Variants in SYTL3 observed in about 807,000 individuals in gnomAD.
SYTL3 encodes synaptotagmin like 3.
A neutral mutation model predicts 82.1 loss-of-function variants in SYTL3; 88 were observed. The ratio of observed to expected loss-of-function variants is 1.07; its 90% CI spans 0.90 to 1.28. SYTL3 has a LOEUF of 1.28. Ranked by LOEUF, SYTL3 falls within the 50% of genes most tolerant of loss-of-function variation. SYTL3 has a pLI of 0.00. For synonymous variants in SYTL3, 311 were observed against 289.4 expected, an observed-to-expected ratio of 1.07 and a Z score of -0.76; for missense variants, 831 against 757.6, an observed-to-expected ratio of 1.10 and a Z score of -1.14.
chr6:158,750,882 A>G (rs1002840758), intron 12 of SYTL3, among the ~76,000 whole-genome samples: 4 of 152,096 alleles, frequency 2.6e-5, no homozygotes, highest in African/African-American at 9.7e-5. Context: ...TGCAACCTCC[A>G]TCTCCCAGGT....
intron 8 of SYTL3, among the ~76,000 whole-genome samples, chr6:158,713,203 G>C (rs1439558478): frequency 6.6e-6 from 1 of 152,058 alleles, no homozygotes; most frequent in East Asian, 2.0e-4. Context: ...TGGATGGGTG[G>C]TAATGTAAGA....
chr6:158,705,818 A>G (rs1056187150), intron 6 of SYTL3, among the ~76,000 whole-genome samples: 1 of 152,048 alleles, frequency 6.6e-6, no homozygotes, highest in Non-Finnish European at 1.5e-5. Flanking sequence ...GGGGATCCAG[A>G]GACAGGAGCA....
upstream of SYTL3, among the ~76,000 whole-genome samples, chr6:158,649,684 T>C (rs901396158): frequency 6.6e-6 from 1 of 152,210 alleles, no homozygotes; most frequent in Admixed American, 6.5e-5. Flanking sequence ...AGCTGTTCTT[T>C]GAGATGTGGT....
chr6:158,677,742 A>G (rs569706158), intron 5 of SYTL3, among the ~76,000 whole-genome samples: 2 of 150,302 alleles, frequency 1.3e-5, no homozygotes, highest in East Asian at 3.9e-4. Context: ...ACTATTTGAA[A>G]TAAAAAAAAT....
intron 5 of SYTL3, among the ~76,000 whole-genome samples, chr6:158,674,246 C>T (rs974691795): frequency 2.0e-5 from 3 of 152,070 alleles, no homozygotes; most frequent in Non-Finnish European, 2.9e-5. Flanking sequence ...CATTTCTGCT[C>T]TTTTCTGCTG....
intron 6 of SYTL3, among the ~76,000 whole-genome samples, chr6:158,703,483 C>T (rs1781566841): frequency 6.6e-6 from 1 of 152,176 alleles, no homozygotes; most frequent in Non-Finnish European, 1.5e-5. Context: ...AACAAGAGGT[C>T]AAAATTCAGG....
intron 5 of SYTL3, among the ~76,000 whole-genome samples, chr6:158,673,440 A>ATT (rs553781177): frequency 0.011 from 1,480 of 134,490 alleles, 30 homozygotes; most frequent in South Asian, 0.021. Context: ...TGGGAATAGC[A>ATT]TTTTTTTTTT....
chr6:158,689,311 T>C (rs80273085), intron 6 of SYTL3, among the ~76,000 whole-genome samples: 4,875 of 151,758 alleles, frequency 0.032, 284 homozygotes, highest in African/African-American at 0.11. Flanking sequence ...TTTATCAGTT[T>C]GGCAAAACAA....
At chr6:158,738,154 G>T (rs73797095) in intron 11 of SYTL3, among the ~76,000 whole-genome samples, 4,171 of 152,246 alleles carry the variant, frequency 0.027, 188 homozygotes, top group African/African-American at 0.095. Context: ...ACTCACGCCT[G>T]CATGCTGGAG....
chr6:158,750,222 C>T (rs1219926467), intron 12 of SYTL3, among the ~76,000 whole-genome samples: 1 of 152,036 alleles, frequency 6.6e-6, no homozygotes, highest in Non-Finnish European at 1.5e-5. Context: ...TTTAAGGAGA[C>T]ACATCAAAAT....
chr6:158,666,628 C>T (rs888310413), intron 5 of SYTL3, among the ~76,000 whole-genome samples: 5 of 152,196 alleles, frequency 3.3e-5, no homozygotes, highest in African/African-American at 1.2e-4. Flanking sequence ...GATTTGAAAA[C>T]AACTTCTAAA....
intron 13 of SYTL3, among the ~76,000 whole-genome samples, chr6:158,756,525 C>G (rs149723130): frequency 2.6e-5 from 4 of 152,004 alleles, no homozygotes; most frequent in African/African-American, 9.7e-5. Flanking sequence ...ACCTGGCCAA[C>G]GTGGTGAAAC....
At chr6:158,709,669 G>A (rs576333469) in intron 8 of SYTL3, among the ~76,000 whole-genome samples, 2 of 152,246 alleles carry the variant, frequency 1.3e-5, no homozygotes, top group South Asian at 2.1e-4. Flanking sequence ...GAGAATATGG[G>A]AGCTGATCAT....
intron 11 of SYTL3, among the ~76,000 whole-genome samples, chr6:158,734,686 A>C (rs1785900645): frequency 6.7e-6 from 1 of 150,258 alleles, no homozygotes; most frequent in Non-Finnish European, 1.5e-5. Flanking sequence ...TGTCCTCACC[A>C]CCCCGACATG....
chr6:158,683,471 G>A (rs1408191865), intron 6 of SYTL3, among the ~76,000 whole-genome samples: 1 of 151,970 alleles, frequency 6.6e-6, no homozygotes. Flanking sequence ...CGCCCGCCTC[G>A]GCCTCCCAAG....
intron 5 of SYTL3, among the ~76,000 whole-genome samples, chr6:158,680,871 AG>A: frequency 7.2e-6 from 1 of 138,896 alleles, no homozygotes; most frequent in Non-Finnish European, 1.6e-5. Context: ...CAGATGAAGG[AG>A]AGAAAGTTAG....
chr6:158,676,251 C>T (rs1272868620), intron 5 of SYTL3, among the ~76,000 whole-genome samples: 3 of 152,138 alleles, frequency 2.0e-5, no homozygotes, highest in Admixed American at 2.0e-4. Flanking sequence ...AATAATGTTG[C>T]ATATCTACAA....
chr6:158,725,546 A>G lies in SYTL3; in HGVS notation c.764A>G (p.Asp255Gly). 6.2e-7 allele frequency: 1 copy of G among 1,614,200 alleles called. No individual in the cohort carries two copies. Among genetic ancestry groups the G allele is most frequent in the Non-Finnish European group, 8.5e-7 (1 of 1,180,026 alleles). ...PDILKPLNQE[D>G]PKCSTNPILK... ...ATTCTGAAACCTCTCAATCAAGAGG[A>G]TCCCAAATGCTCTACTAACCCTATT... is the stretch of plus-strand genomic sequence containing the variant. The change falls in exon 11 of 18, where the codon GAT becomes GGT. Residue 255 changes from aspartate to glycine, a missense_variant. Coordinates refer to ENST00000611299, the MANE Select transcript of SYTL3 (RefSeq NM_001242394.2).
At chr6:158,688,601 A>C (rs1473109191) in intron 6 of SYTL3, among the ~76,000 whole-genome samples, 1 of 152,252 alleles carries the variant, frequency 6.6e-6, no homozygotes, top group Non-Finnish European at 1.5e-5. Flanking sequence ...TGTCTCTAAA[A>C]AAATTAAATG....
Sources: allele counts gnomAD v4.1 joint callset (sites outside exome capture counted in the v4.1 genomes callset), GRCh38; gene constraint gnomAD v4.1.1; transcripts MANE v1.5; gene names NCBI Gene and HGNC (gene_info 2026-07-23, HGNC 2026-07-21).